The following MBD5 variants were observed in gnomAD, a reference collection of about 807,000 sequenced individuals.
MBD5 encodes methyl-CpG-binding domain protein 5.
In MBD5, 13 loss-of-function variants were observed where a neutral mutation model predicts 117.3. The ratio of observed to expected loss-of-function variants is 0.11; its 90% CI spans 0.07 to 0.18. The LOEUF is 0.18. Ranked by LOEUF, MBD5 falls within the 10% of genes least tolerant of loss-of-function variation. The pLI is 1.00. For missense variants in MBD5, 1,879 were observed against 2,093.8 expected, an observed-to-expected ratio of 0.90 and a Z score of 2.00; for synonymous variants, 727 against 766.4, an observed-to-expected ratio of 0.95 and a Z score of 0.85.
intron 1 of MBD5, among the ~76,000 whole-genome samples, chr2:148,112,208 A>G (rs988152771): frequency 1.3e-5 from 2 of 152,236 alleles, no homozygotes; most frequent in African/African-American, 4.8e-5. Flanking sequence ...CAAAGAATTT[A>G]TAGTTCTCCT....
At chr2:148,145,622 C>T (rs1357376824) in intron 1 of MBD5, among the ~76,000 whole-genome samples, 3 of 152,108 alleles carry the variant, frequency 2.0e-5, no homozygotes, top group South Asian at 2.1e-4. Context: ...AGATACATCC[C>T]ATCAATACCT....
chr2:148,468,606 G>C lies in MBD5; in HGVS notation c.663G>C (p.Leu221=). 4 of 1,613,848 alleles carry C rather than the reference G, an allele frequency of 2.5e-6. No individual in the cohort carries two copies. The highest frequency in any genetic ancestry group is 3.4e-6 in the Non-Finnish European group (4 of 1,179,876). The change falls in exon 8 of 14, where the codon CTG becomes CTC. Residue 221 remains leucine, a synonymous_variant. Transcript: ENST00000642680. The part of the protein sequence containing the change: ...KSPFRGSHGG[L]PSPASSGSQI... ...CATTCCGTGGCAGCCATGGAGGCCTGCCCAGCCCAGCGTCATCAGGTTCCC... is the reference window on the plus strand; with the variant it reads ...CATTCCGTGGCAGCCATGGAGGCCTCCCCAGCCCAGCGTCATCAGGTTCCC...
intron 1 of MBD5, among the ~76,000 whole-genome samples, chr2:148,163,426 CT>C (rs970585529): frequency 9.3e-5 from 14 of 149,970 alleles, no homozygotes; most frequent in East Asian, 3.9e-4. Flanking sequence ...AATTAAATAA[CT>C]TTTTTTTTTT....
intron 1 of MBD5, among the ~76,000 whole-genome samples, chr2:148,122,662 T>C (rs1191288172): frequency 1.3e-5 from 2 of 152,176 alleles, no homozygotes; most frequent in Non-Finnish European, 2.9e-5. Flanking sequence ...TCGAGGTGGC[T>C]TGACGAAACT....
chr2:148,441,126 T>C (rs952669968), intron 4 of MBD5, among the ~76,000 whole-genome samples: 5 of 152,152 alleles, frequency 3.3e-5, no homozygotes, highest in Non-Finnish European at 7.4e-5. Context: ...TTATTATACT[T>C]TAAGTTCTAG....
chr2:148,086,079 T>C (rs1488421949), intron 1 of MBD5, among the ~76,000 whole-genome samples: 1 of 152,168 alleles, frequency 6.6e-6, no homozygotes, highest in Non-Finnish European at 1.5e-5. Context: ...GATTCTCAAG[T>C]GCTGCCTCAG....
chr2:148,327,715 G>A (rs535656764), intron 3 of MBD5, among the ~76,000 whole-genome samples: 46 of 151,878 alleles, frequency 3.0e-4, no homozygotes, highest in Non-Finnish European at 4.6e-4. Context: ...GCACTTCTCC[G>A]TATTGGTTAT....
intron 3 of MBD5, among the ~76,000 whole-genome samples, chr2:148,309,268 G>A (rs750095832): frequency 2.0e-5 from 3 of 152,128 alleles, no homozygotes; most frequent in Non-Finnish European, 4.4e-5. Flanking sequence ...TCACGATATT[G>A]ATTCTTCCTA....
intron 1 of MBD5, among the ~76,000 whole-genome samples, chr2:148,091,642 T>C (rs987812810): frequency 1.4e-4 from 22 of 152,252 alleles, no homozygotes; most frequent in African/African-American, 5.1e-4. Flanking sequence ...TCTCTCACCT[T>C]ATACAAAAAT....
intron 12 of MBD5, among the ~76,000 whole-genome samples, chr2:148,505,204 G>A (rs1681993776): frequency 6.6e-6 from 1 of 152,158 alleles, no homozygotes; most frequent in South Asian, 2.1e-4. Flanking sequence ...TTCAGCTTGG[G>A]AGACTTGGTA....
chr2:148,204,033 C>T (rs1432561203), intron 2 of MBD5, among the ~76,000 whole-genome samples: 1 of 151,874 alleles, frequency 6.6e-6, no homozygotes, highest in African/African-American at 2.4e-5. Context: ...TAATGCTTAA[C>T]TTTCTTCAGG....
intron 4 of MBD5, among the ~76,000 whole-genome samples, chr2:148,420,140 C>CT (rs111966285): frequency 6.6e-6 from 1 of 152,092 alleles, no homozygotes; most frequent in Non-Finnish European, 1.5e-5. Context: ...CATTTAATGA[C>CT]TTTTTTTATT....
rs775197626 is a variant in MBD5 at position 148,490,274 on chromosome 2, G to A, written c.4642G>A (p.Glu1548Lys). The A allele has an allele frequency of 1.2e-6, 2 of 1,614,206 alleles. No individual in the cohort carries two copies. Among genetic ancestry groups the A allele is most frequent in the Admixed American group, 1.7e-5 (1 of 60,016 alleles). The change falls in exon 11 of 14, where the codon GAG becomes AAG. Residue 1548 changes from glutamate to lysine, a missense_variant. This residue lies in a region of MBD5 where 1,666 missense variants were observed against 1,792.2 expected (regional missense o/e 0.93). Coordinates refer to ENST00000642680, the MANE Select transcript of MBD5 (RefSeq NM_001378120.1). ...CACTGCAAAGCAAGACCTGGTCCTA[G>A]AGGAGCAGTCTCCAAGTTCCTCAAA... The part of the protein sequence containing the change: ...LSTAKQDLVL[E>K]EQSPSSSNSL...
chr2:148,247,395 T>TC (rs1421157445), intron 3 of MBD5, among the ~76,000 whole-genome samples: 1 of 152,222 alleles, frequency 6.6e-6, no homozygotes, highest in Non-Finnish European at 1.5e-5. Context: ...AATCTTTTTT[T>TC]CACATCAAAT....
At position 148,516,050 on chromosome 2, in the gene MBD5, T is replaced by G. The variant is rs1414474935; in HGVS notation, c.*3109T>G. ...GGACCCTGACTTTGAGTTTTTGCTA[T>G]GCCTGTTTTTTAAGTAAACACAGCC... is the stretch of plus-strand genomic sequence containing the variant. On this transcript the variant is annotated 3_prime_UTR_variant, in exon 14 of 14. Transcript: ENST00000642680. 1.3e-5 allele frequency: 2 copies of G among 152,254 alleles called. No individual in the cohort carries two copies. The highest frequency in any genetic ancestry group is 2.9e-5 in the Non-Finnish European group (2 of 68,044). The allele number at this position is 152,254 out of a possible 1,614,324, so 9.4% of individuals were successfully genotyped here. A position where few individuals can be genotyped will look rare whatever the true frequency, so the allele number is the denominator to read the frequency against.
At chr2:148,120,245 CTT>C (rs1392700995) in intron 1 of MBD5, among the ~76,000 whole-genome samples, 2 of 152,118 alleles carry the variant, frequency 1.3e-5, no homozygotes, top group Non-Finnish European at 2.9e-5. Context: ...AGTTTTCTAA[CTT>C]TGTTTCTCTC....
intron 1 of MBD5, chr2:148,062,020 T>C (rs553572387): frequency 1.6e-3 from 246 of 151,876 alleles, no homozygotes; most frequent in African/African-American, 5.5e-3. Flanking sequence ...CATAAATATG[T>C]AAGGATGTAT....
chr2:148,279,789 TAAG>T (rs1701198144), intron 3 of MBD5, among the ~76,000 whole-genome samples: 1 of 152,188 alleles, frequency 6.6e-6, no homozygotes. Context: ...CTTTCTTTTT[TAAG>T]AAGTGTATCT....
intron 11 of MBD5, among the ~76,000 whole-genome samples, chr2:148,498,025 A>G (rs1440817341): frequency 6.6e-6 from 1 of 152,196 alleles, no homozygotes; most frequent in Non-Finnish European, 1.5e-5. Context: ...AATCACAGGT[A>G]GTTAAGCCAG....
Sources: gnomAD v4.1 joint callset for allele counts (sites outside exome capture counted in the v4.1 genomes callset) on GRCh38, gnomAD v4.1.1 for gene constraint, gnomAD v4.1.1 regional missense constraint, MANE v1.5 for transcripts, NCBI Gene and HGNC (gene_info 2026-07-23, HGNC 2026-07-21) for gene names.